SLC38A4: variants seen among roughly 807,000 people sequenced by gnomAD.
SLC38A4 encodes sodium-coupled neutral amino acid transporter 4.
A neutral mutation model predicts 63.1 loss-of-function variants in SLC38A4; 20 were observed. That is an observed-to-expected ratio of 0.32 (90% CI 0.22 to 0.46). SLC38A4 has a LOEUF of 0.46. Ranked by LOEUF, SLC38A4 falls within the 20% of genes least tolerant of loss-of-function variation. The pLI, the probability that SLC38A4 is intolerant of heterozygous loss-of-function variation, is 1.00. For synonymous variants in SLC38A4, 230 were observed against 225.5 expected, an observed-to-expected ratio of 1.02 and a Z score of -0.18; for missense variants, 526 against 663.6, an observed-to-expected ratio of 0.79 and a Z score of 2.28.
At chr12:46,811,455 G>A (rs2120891979) in intron 1 of SLC38A4, among the ~76,000 whole-genome samples, 2 of 152,074 alleles carry the variant, frequency 1.3e-5, no homozygotes, top group Middle Eastern at 6.8e-3. Flanking sequence ...ACAAGCAAAG[G>A]CAAGGAGGCA....
chr12:46,784,965 T>G, intron 6 of SLC38A4, 139 bp downstream of exon 6: 1 of 797,238 alleles, frequency 1.3e-6, no homozygotes, highest in South Asian at 1.6e-5. Flanking sequence ...CTATAAACAC[T>G]GAGAGATCGT....
chr12:46,820,262 A>G (rs1939515844), intron 1 of SLC38A4, among the ~76,000 whole-genome samples: 1 of 152,010 alleles, frequency 6.6e-6, no homozygotes. Context: ...ATTATGCTAT[A>G]CAGCAGATCT....
chr12:46,820,590 G>T (rs7973308), intron 1 of SLC38A4, among the ~76,000 whole-genome samples: 82,461 of 151,882 alleles, frequency 0.54, 23,154 homozygotes, highest in Non-Finnish European at 0.6. Flanking sequence ...ATGGACATTT[G>T]GGTTGTTTCC....
chr12:46,786,318 A>C lies in SLC38A4; in HGVS notation c.327-1141T>G, dbSNP rs574586107. 3.3e-5 allele frequency among the ~76,000 whole-genome samples: 5 copies of C among 152,268 alleles called. No homozygotes were observed. The East Asian group carries it at 9.7e-4, about 29-fold the overall frequency. ...AATACTGTGTCACTTGCTATAAATT[A>C]AGAGAGAAAGCTTAATCCAGTCTGG... On this transcript the variant is annotated intron_variant, in intron 5 of 16. Coordinates refer to ENST00000266579, the MANE Select transcript of SLC38A4 (RefSeq NM_018018.5).
chr12:46,808,373 T>G (rs182666592), intron 1 of SLC38A4, among the ~76,000 whole-genome samples: 186 of 152,142 alleles, frequency 1.2e-3, no homozygotes, highest in African/African-American at 4.4e-3. Context: ...AGTTATATAA[T>G]GGAGCATTCT....
chr12:46,805,840 A>C (rs750670559), intron 1 of SLC38A4, among the ~76,000 whole-genome samples: 25 of 152,036 alleles, frequency 1.6e-4, no homozygotes, highest in Non-Finnish European at 4.4e-5. Context: ...ATAAGAAATT[A>C]AAATATGTGC....
Position 46,778,758 on chromosome 12 carries a change from G to C in SLC38A4, c.736C>G (p.Gln246Glu). 1 of 1,611,594 alleles carries C rather than the reference G, an allele frequency of 6.2e-7. No individual in the cohort carries two copies. The highest frequency in any genetic ancestry group is 2.2e-5 in the East Asian group (1 of 44,776). ...FVSVVIYKKF[Q>E]IPCPLPVLDH... ...AAAACAGGTAGAGGGCAGGGTATTT[G>C]GAATTTCTTGTAAATCACCTAGACT... The change falls in exon 11 of 17, where the codon CAA (glutamine) becomes GAA (glutamate). Residue 246 changes from glutamine to glutamate, a missense_variant. Transcript: ENST00000266579.
chr12:46,784,902 T>C (rs188639800), intron 6 of SLC38A4, among the ~76,000 whole-genome samples: 235 of 152,248 alleles, frequency 1.5e-3, no homozygotes, highest in Non-Finnish European at 1.7e-3. Context: ...TTTCTATTTG[T>C]CTTGAACCTG....
rs780926556 is a variant in SLC38A4, at chr12:46,817,045, G to A, written c.-305+8858C>T. Among the ~76,000 whole-genome samples the A allele has an allele frequency of 3.8e-4, 55 of 146,622 alleles. 1 individual carries two copies. Among genetic ancestry groups the A allele is most frequent in the Non-Finnish European group, 3.9e-4 (26 of 67,054 alleles). The stretch of plus-strand genomic sequence containing the variant: ...GAGTAGCTTAATAGCTTAAGGGGAA[G>A]ATATGGTTTATGCAGTTGGGGCCAG... On this transcript the variant is annotated intron_variant, in intron 1 of 16. Transcript: ENST00000266579.
At chr12:46,798,339 C>A (rs924268181) in intron 2 of SLC38A4, among the ~76,000 whole-genome samples, 11 of 152,184 alleles carry the variant, frequency 7.2e-5, no homozygotes, top group African/African-American at 2.7e-4. Flanking sequence ...CCTTAGTGTT[C>A]TAGCTACACT....
intron 15 of SLC38A4, 63 bp from the exon 16 acceptor site, chr12:46,768,470 C>A: frequency 2.6e-6 from 3 of 1,156,948 alleles, no homozygotes; most frequent in Non-Finnish European, 2.5e-6. Flanking sequence ...AAAGGAGATG[C>A]CAGCACACAC....
At chr12:46,816,435 T>C (rs1478733747) in intron 1 of SLC38A4, among the ~76,000 whole-genome samples, 2 of 151,958 alleles carry the variant, frequency 1.3e-5, no homozygotes, top group East Asian at 3.9e-4. Context: ...ACTTTCTGTA[T>C]GTCTGAAGTA....
At chr12:46,790,620 C>G (rs1451914597) in intron 3 of SLC38A4, among the ~76,000 whole-genome samples, 1 of 152,058 alleles carries the variant, frequency 6.6e-6, no homozygotes, top group African/African-American at 2.4e-5. Context: ...AAACTAAAAT[C>G]TGTATTCCAT....
At chr12:46,807,105 G>A (rs539716245) in intron 1 of SLC38A4, among the ~76,000 whole-genome samples, 89 of 152,060 alleles carry the variant, frequency 5.9e-4, no homozygotes, top group African/African-American at 1.7e-3. Flanking sequence ...GTCATAGGAC[G>A]AAATAATATT....
intron 1 of SLC38A4, among the ~76,000 whole-genome samples, chr12:46,831,671 G>A (rs1350279653): frequency 6.6e-6 from 1 of 152,232 alleles, no homozygotes; most frequent in Admixed American, 6.5e-5. Context: ...TACCCCGCCC[G>A]GGGAATCATG....
At position 46,792,956 on chromosome 12, in the gene SLC38A4, C is replaced by T; in HGVS notation, c.116G>A (p.Ser39Asn). Residue 39 changes from serine to asparagine, a missense_variant, in exon 3 of 17, where the codon AGC becomes AAC. Coordinates refer to ENST00000266579, the MANE Select transcript of SLC38A4 (RefSeq NM_018018.5). Reference sequence around the variant, plus strand: ...ATAGTAATTTTTAACCCCATACCTGCTCATTGCTGCCTTTTCTGAATTTCC... The same window carrying T: ...ATAGTAATTTTTAACCCCATACCTGTTCATTGCTGCCTTTTCTGAATTTCC... Reference protein sequence around the residue: ...GIGNSEKAAMSSQFANEDTES... With the variant: ...GIGNSEKAAMNSQFANEDTES... 1 of 1,610,370 alleles carries T rather than the reference C, an allele frequency of 6.2e-7. No individual in the cohort carries two copies. Among genetic ancestry groups the T allele is most frequent in the Non-Finnish European group, 8.5e-7 (1 of 1,176,846 alleles).
chr12:46,830,073 CCA>C (rs200247086), upstream of SLC38A4, among the ~76,000 whole-genome samples: 1 of 116,352 alleles, frequency 8.6e-6, no homozygotes, highest in Middle Eastern at 4.0e-3. Context: ...CCAGCAGCCT[CCA>C]AAAAAAGTTA....
Position 46,766,719 on chromosome 12 carries a change from T to G in SLC38A4, c.1626A>C (p.Pro542=). 6.2e-7 allele frequency: 1 copy of G among 1,609,828 alleles called. No individual in the cohort carries two copies. The highest frequency in any genetic ancestry group is 1.1e-5 in the South Asian group (1 of 90,826). Reference sequence around the variant, plus strand: ...CCTTGTGTTAGTGATGCTTGGAATTTGGAGGATCATAAATCCAGTCAATTA... The same window carrying G: ...CCTTGTGTTAGTGATGCTTGGAATTGGGAGGATCATAAATCCAGTCAATTA... The part of the protein sequence containing the change: ...LIIIDWIYDP[P]NSKHH The change falls in exon 17 of 17, where the codon CCA becomes CCC. Residue 542 remains proline, a synonymous_variant. Coordinates refer to ENST00000266579, the MANE Select transcript of SLC38A4 (RefSeq NM_018018.5).
At chr12:46,797,975 C>T (rs1204296178) in intron 2 of SLC38A4, among the ~76,000 whole-genome samples, 1 of 152,146 alleles carries the variant, frequency 6.6e-6, no homozygotes, top group East Asian at 1.9e-4. Context: ...TTTACAAAGT[C>T]TGGTTGACTT....
Sources: gnomAD v4.1 joint callset for allele counts (sites outside exome capture counted in the v4.1 genomes callset) on GRCh38, gnomAD v4.1.1 for gene constraint, MANE v1.5 for transcripts, NCBI Gene and HGNC (gene_info 2026-07-23, HGNC 2026-07-21) for gene names.